The following LANCL3 variants were observed in gnomAD, a reference collection of about 807,000 sequenced individuals.
The protein encoded by LANCL3 is LanC like family member 3, also known as lanC-like protein 3.
Under a neutral mutation model 26.5 loss-of-function variants are expected in LANCL3, and 19 were observed. The observed-to-expected ratio is 0.72, with a 90% CI of 0.50 to 1.05. The LOEUF (loss-of-function observed/expected upper bound fraction) is 1.05. LANCL3 is among the 50% of genes least tolerant of loss of function. The pLI, the probability that LANCL3 is intolerant of heterozygous loss-of-function variation, is 0.00. For synonymous variants in LANCL3, 160 were observed against 166.6 expected (o/e 0.96, Z 0.30); for missense variants, 318 against 362.7 (o/e 0.88, Z 1.00).
At chrX:37,664,926 G>GT (rs1556433449) in intron 3 of LANCL3, among the ~76,000 whole-genome samples, 1 of 111,465 alleles carries the variant, frequency 9.0e-6, no homozygotes, top group Non-Finnish European at 1.9e-5. Context: ...TCCATGGTGT[G>GT]TATGTACCAC....
chrX:37,614,668 T>C (rs1485809710), intron 1 of LANCL3, among the ~76,000 whole-genome samples: 1 of 112,251 alleles, frequency 8.9e-6, no homozygotes, highest in Non-Finnish European at 1.9e-5. Context: ...ACAATTTAGA[T>C]CAAACTCCAA....
chrX:37,653,544 A>G (rs1926209706), intron 1 of LANCL3, among the ~76,000 whole-genome samples: 1 of 112,411 alleles, frequency 8.9e-6, no homozygotes, highest in Non-Finnish European at 1.9e-5. Context: ...AATTAAGTGC[A>G]TGCCCTTCAG....
At position 37,678,922 on chromosome X, in the gene LANCL3, T is replaced by C. The variant is rs1926872534; in HGVS notation, c.*3109T>C. Reference sequence around the variant, plus strand: ...TTAATCATGGTAATACTGAAATTGTTTCAAATTTGAAAGAGCGAACCTCAG... The same window carrying C: ...TTAATCATGGTAATACTGAAATTGTCTCAAATTTGAAAGAGCGAACCTCAG... On this transcript the variant is annotated 3_prime_UTR_variant, in exon 5 of 5. Transcript: ENST00000378619. 1 of 112,133 alleles carries C rather than the reference T, an allele frequency of 8.9e-6. No individual in the cohort carries two copies. The allele number at this position is 112,133 out of a possible 1,213,427, so 9.2% of individuals were successfully genotyped here. A position where few individuals can be genotyped will look rare whatever the true frequency, so the allele number is the denominator to read the frequency against.
Position 37,571,849 on chromosome X carries a change from A to C in LANCL3, c.-22A>C, listed in dbSNP as rs1436502211. The C allele has an allele frequency of 2.0e-5, 24 of 1,179,790 alleles. No individual in the cohort carries two copies. In the African/African-American group the frequency reaches 3.9e-4, roughly 19 times the overall value. ...GACTTCAAGCGGTCCTCAGCTCCGC[A>C]CTAGGGGGCACGGGCAACAGCATGG... On this transcript the variant is annotated 5_prime_UTR_variant, in exon 1 of 5. Coordinates refer to ENST00000378619, the MANE Select transcript of LANCL3 (RefSeq NM_001170331.2).
chrX:37,605,686 G>A (rs982502438), intron 1 of LANCL3, among the ~76,000 whole-genome samples: 1 of 111,257 alleles, frequency 9.0e-6, no homozygotes, highest in African/African-American at 3.3e-5. Flanking sequence ...TGCATGAGCT[G>A]TGCCCTCTGC....
In LANCL3 at chrX:37,676,220, G is replaced by A. The variant is rs1362863111; in HGVS notation, c.*407G>A. On this transcript the variant is annotated 3_prime_UTR_variant, in exon 5 of 5. Transcript: ENST00000378619. ...CTCTACCCTTAAATTCAGAAATAAA[G>A]ACAATAAAAAATTAAAATAATTGCC... The A allele has an allele frequency of 8.8e-6, 1 of 113,394 alleles. No homozygotes were observed. Among genetic ancestry groups the A allele is most frequent in the Non-Finnish European group, 1.8e-5 (1 of 54,277 alleles). 9.3% of individuals were successfully genotyped at this position (113,394 alleles called of 1,213,427 possible). A position where few individuals can be genotyped will look rare whatever the true frequency, so the allele number is the denominator to read the frequency against.
chrX:37,646,971 G>A (rs180842995), intron 1 of LANCL3, among the ~76,000 whole-genome samples: 9 of 111,457 alleles, frequency 8.1e-5, no homozygotes, highest in East Asian at 2.8e-4. Context: ...GAGTTTATTC[G>A]GAACTATCCT....
chrX:37,622,178 A>G (rs1378435814), intron 1 of LANCL3, among the ~76,000 whole-genome samples: 1 of 111,672 alleles, frequency 9.0e-6, no homozygotes, highest in Non-Finnish European at 1.9e-5. Flanking sequence ...AAGGAACTCA[A>G]GTTGGAGAGA....
chrX:37,571,985 C>G lies in LANCL3; in HGVS notation c.115C>G (p.Leu39Val). 1 of 1,194,705 alleles carries G rather than the reference C, an allele frequency of 8.4e-7. No individual in the cohort carries two copies. Among genetic ancestry groups the G allele is most frequent in the Non-Finnish European group, 1.1e-6 (1 of 886,901 alleles). Reference protein sequence around the residue: ...PLVTATIERILQELPPLGGGA... With the variant: ...PLVTATIERIVQELPPLGGGA... ...GGTCACCGCCACCATCGAGCGCATCCTCCAGGAGCTTCCCCCACTCGGGGG... is the reference window on the plus strand; with the variant it reads ...GGTCACCGCCACCATCGAGCGCATCGTCCAGGAGCTTCCCCCACTCGGGGG... The change falls in exon 1 of 5, where the codon CTC (leucine) becomes GTC (valine). Residue 39 changes from leucine (L) to valine (V), a missense_variant. By Grantham distance (32) the Leu-to-Val change is conservative. Coordinates refer to ENST00000378619, the MANE Select transcript of LANCL3 (RefSeq NM_001170331.2).
chrX:37,586,574 T>C (rs1924089827), intron 1 of LANCL3, among the ~76,000 whole-genome samples: 1 of 112,067 alleles, frequency 8.9e-6, no homozygotes, highest in Non-Finnish European at 1.9e-5. Context: ...TACCCTTTCT[T>C]CCCGTTGATC....
intron 1 of LANCL3, among the ~76,000 whole-genome samples, chrX:37,608,526 C>T (rs1924776704): frequency 9.0e-6 from 1 of 111,723 alleles, no homozygotes; most frequent in African/African-American, 3.3e-5. Flanking sequence ...AAGGGGAAAT[C>T]TTTGATTGGA....
In LANCL3 at chrX:37,675,705, T is replaced by C; in HGVS notation, c.1155T>C (p.Leu385=). ...TEEFKAGSRV[L]ESIYSLYEGF... ...AATTCAAGGCCGGTTCTCGGGTCCT[T>C]GAAAGTATATACAGCTTGTATGAAG... The change falls in exon 5 of 5, where the codon CTT becomes CTC. Residue 385 remains leucine, a synonymous_variant. Coordinates refer to ENST00000378619, the MANE Select transcript of LANCL3 (RefSeq NM_001170331.2). The C allele has an allele frequency of 8.7e-7, 1 of 1,156,031 alleles. No homozygotes were observed.
chrX:37,619,399 T>TA (rs1356038180), intron 1 of LANCL3, among the ~76,000 whole-genome samples: 1 of 111,494 alleles, frequency 9.0e-6, no homozygotes, highest in African/African-American at 3.3e-5. Context: ...ATCCTTTACT[T>TA]AGAGTTGTAA....
chrX:37,609,884 A>G (rs1166925007), intron 1 of LANCL3, among the ~76,000 whole-genome samples: 2 of 111,753 alleles, frequency 1.8e-5, no homozygotes, highest in Non-Finnish European at 3.8e-5. Context: ...AAAGTGGAAA[A>G]TATACTGTGA....
At position 37,665,134 on chromosome X, in the gene LANCL3, A is replaced by G. The variant is rs1309091747; in HGVS notation, c.896-2148A>G. On this transcript the variant is annotated intron_variant, in intron 3 of 4. Coordinates refer to ENST00000378619, the MANE Select transcript of LANCL3 (RefSeq NM_001170331.2). Reference sequence around the variant, plus strand: ...CTAAAATTGGGACATTTTGTCCATAATAATCACATTGTCATATAAAAAATA... The same window carrying G: ...CTAAAATTGGGACATTTTGTCCATAGTAATCACATTGTCATATAAAAAATA... 2.7e-5 allele frequency among the ~76,000 whole-genome samples: 3 copies of G among 112,257 alleles called. No individual in the cohort carries two copies. The Admixed American group carries it at 2.8e-4, about 11-fold the overall frequency.
At chrX:37,594,548 A>G (rs1286172988) in intron 1 of LANCL3, among the ~76,000 whole-genome samples, 32 of 112,277 alleles carry the variant, frequency 2.9e-4, no homozygotes, top group African/African-American at 9.7e-4. Flanking sequence ...ATGGCCCCCA[A>G]TTGATAAGAG....
intron 1 of LANCL3, among the ~76,000 whole-genome samples, chrX:37,576,275 T>A (rs1338404755): frequency 8.9e-6 from 1 of 112,026 alleles, no homozygotes; most frequent in East Asian, 2.8e-4. Flanking sequence ...TCTCCAGGCA[T>A]GTATTTTCAC....
At chrX:37,620,037 C>T (rs924818988) in intron 1 of LANCL3, among the ~76,000 whole-genome samples, 15 of 112,236 alleles carry the variant, frequency 1.3e-4, no homozygotes, top group African/African-American at 4.9e-4. Context: ...ACGTCTTTCC[C>T]TCTTAATTTT....
chrX:37,647,770 A>G (rs1926025253), intron 1 of LANCL3, among the ~76,000 whole-genome samples: 1 of 112,311 alleles, frequency 8.9e-6, no homozygotes, highest in Non-Finnish European at 1.9e-5. Flanking sequence ...GTCAGGTCAG[A>G]CTTAGAACTG....
Sources: gnomAD v4.1 joint callset for allele counts (sites outside exome capture counted in the v4.1 genomes callset) on GRCh38, gnomAD v4.1.1 for gene constraint, MANE v1.5 for transcripts, NCBI Gene and HGNC (gene_info 2026-07-23, HGNC 2026-07-21) for gene names.